Variants in KAT6A observed in about 807,000 individuals in gnomAD.
The protein encoded by KAT6A is histone acetyltransferase KAT6A.
KAT6A carries 9 observed loss-of-function variants against 198.4 expected under a neutral mutation model. The ratio of observed to expected loss-of-function variants is 0.05; its 90% CI spans 0.03 to 0.08. The LOEUF (loss-of-function observed/expected upper bound fraction) is 0.08. KAT6A is among the 10% of genes least tolerant of loss of function. The pLI is 1.00. For missense variants in KAT6A, 2,077 were observed against 2,509.9 expected (o/e 0.83, Z 3.69); for synonymous variants, 890 against 883.0 (o/e 1.01, Z -0.14).
chr8:42,027,092 A>C (rs1826853965), intron 2 of KAT6A, among the ~76,000 whole-genome samples: 1 of 152,208 alleles, frequency 6.6e-6, no homozygotes, highest in Non-Finnish European at 1.5e-5. Context: ...GAACATGAAC[A>C]TATTTGAATA....
Position 41,930,307 on chromosome 8 carries a change from T to A in KAT6A, c.*1898A>T. On this transcript the variant is annotated 3_prime_UTR_variant, in exon 17 of 17. Transcript: ENST00000265713. ...TGACACAGCTGAAGATGTAGGGCGATGGCAGCACAGTGCACTTTCTACATA... is the reference window on the plus strand; with the variant it reads ...TGACACAGCTGAAGATGTAGGGCGAAGGCAGCACAGTGCACTTTCTACATA... The A allele has an allele frequency of 6.0e-6, 1 of 167,394 alleles. No individual in the cohort carries two copies. Among genetic ancestry groups the A allele is most frequent in the Non-Finnish European group, 1.2e-5 (1 of 86,406 alleles). 10.4% of individuals were successfully genotyped at this position (167,394 alleles called of 1,614,324 possible).
intron 3 of KAT6A, among the ~76,000 whole-genome samples, chr8:41,982,282 T>C (rs1265711903): frequency 6.6e-6 from 1 of 152,134 alleles, no homozygotes; most frequent in Non-Finnish European, 1.5e-5. Flanking sequence ...AATACATATA[T>C]GTTCATATAT....
intron 2 of KAT6A, among the ~76,000 whole-genome samples, chr8:42,031,695 T>C (rs1342948123): frequency 1.4e-5 from 2 of 145,766 alleles, no homozygotes; most frequent in African/African-American, 5.1e-5. Flanking sequence ...AGTGGTGTGA[T>C]CTTGGCTCAC....
At chr8:41,977,605 T>A in intron 6 of KAT6A, 1 of 295,026 alleles carries the variant, frequency 3.4e-6, no homozygotes, top group South Asian at 9.2e-5. Context: ...GCTGTACGAC[T>A]TGGACAAATC....
chr8:42,029,592 T>A (rs191769174), intron 2 of KAT6A, among the ~76,000 whole-genome samples: 1 of 151,410 alleles, frequency 6.6e-6, no homozygotes, highest in East Asian at 2.0e-4. Flanking sequence ...TGAAACAGGT[T>A]CTCACTCTGT....
chr8:42,003,967 C>A (rs1048609256), intron 2 of KAT6A, among the ~76,000 whole-genome samples: 14 of 152,204 alleles, frequency 9.2e-5, no homozygotes, highest in African/African-American at 3.1e-4. Context: ...AAACAAATTT[C>A]TGTTGCTTAA....
chr8:41,997,028 G>A (rs975910387), intron 2 of KAT6A, among the ~76,000 whole-genome samples: 1 of 152,148 alleles, frequency 6.6e-6, no homozygotes, highest in Admixed American at 6.5e-5. Context: ...ATGGGAAGTG[G>A]AGAATGGGAA....
chr8:42,046,353 A>G (rs994541419), intron 2 of KAT6A, among the ~76,000 whole-genome samples: 3 of 151,850 alleles, frequency 2.0e-5, no homozygotes, highest in African/African-American at 7.3e-5. Context: ...CTGGCCAACA[A>G]GGTGAAACCC....
At chr8:42,051,405 C>G (rs1193813634) in intron 1 of KAT6A, among the ~76,000 whole-genome samples, 2 of 151,134 alleles carry the variant, frequency 1.3e-5, no homozygotes, top group Non-Finnish European at 3.0e-5. Flanking sequence ...GGAGCCGGAA[C>G]CCGAGCCCGA....
chr8:41,965,349 C>G (rs1823419964), intron 8 of KAT6A, among the ~76,000 whole-genome samples: 1 of 152,204 alleles, frequency 6.6e-6, no homozygotes, highest in Admixed American at 6.6e-5. Context: ...AAACCATCCT[C>G]AGCTTGCAGG....
intron 3 of KAT6A, among the ~76,000 whole-genome samples, chr8:41,983,170 A>G (rs1488695095): frequency 6.6e-6 from 1 of 152,180 alleles, no homozygotes; most frequent in Admixed American, 6.5e-5. Flanking sequence ...TTTCCCCTCA[A>G]CTGAAAAGAG....
chr8:41,940,257 A>G (rs1325518208), intron 15 of KAT6A, among the ~76,000 whole-genome samples: 23 of 152,226 alleles, frequency 1.5e-4, no homozygotes, highest in Admixed American at 1.4e-3. Context: ...CTAATTGGCT[A>G]TCATTATGAT....
At chr8:42,018,924 T>TC (rs1045757565) in intron 2 of KAT6A, among the ~76,000 whole-genome samples, 6 of 150,470 alleles carry the variant, frequency 4.0e-5, no homozygotes, top group African/African-American at 1.5e-4. Flanking sequence ...TGCCTCAAAT[T>TC]AAAAAAAAAC....
chr8:42,051,763 G>C (rs932834161), intron 1 of KAT6A, 138 bp downstream of exon 1: 1 of 146,068 alleles, frequency 6.8e-6, no homozygotes, highest in African/African-American at 2.5e-5. Context: ...CTGGCGCAGA[G>C]CAGCGGGAGG....
chr8:41,955,331 G>A lies in KAT6A; in HGVS notation c.1563C>T (p.Thr521=), dbSNP rs770609876. The part of the protein sequence containing the change: ...VIEFGKYEIH[T]WYSSPYPQEY... ...CTTGAGGATATGGGGAGGAGTACCA[G>A]GTGTGAATTTCATACTTCCCAAACT... Residue 521 remains threonine, a synonymous_variant, in exon 9 of 17, where the codon ACC becomes ACT. Transcript: ENST00000265713. 2 of 1,612,140 alleles carry A rather than the reference G, an allele frequency of 1.2e-6. No individual in the cohort carries two copies. The highest frequency in any genetic ancestry group is 8.5e-7 in the Non-Finnish European group (1 of 1,178,242).
At chr8:41,954,260 T>G (rs1390541091) in intron 9 of KAT6A, among the ~76,000 whole-genome samples, 1 of 152,260 alleles carries the variant, frequency 6.6e-6, no homozygotes, top group Non-Finnish European at 1.5e-5. Flanking sequence ...TTTTAACAAC[T>G]ATACTGGCCT....
chr8:42,016,895 G>A (rs536520213), intron 2 of KAT6A, among the ~76,000 whole-genome samples: 5 of 151,794 alleles, frequency 3.3e-5, no homozygotes, highest in Non-Finnish European at 7.4e-5. Context: ...CTGGATCTCT[G>A]AGGGATGCAA....
intron 2 of KAT6A, among the ~76,000 whole-genome samples, chr8:42,014,841 A>G (rs1298565093): frequency 6.6e-6 from 1 of 152,250 alleles, no homozygotes. Context: ...ACTTCGGTAC[A>G]TGCAGTTATT....
At chr8:41,961,396 T>G (rs1229413075) in intron 8 of KAT6A, among the ~76,000 whole-genome samples, 1 of 152,172 alleles carries the variant, frequency 6.6e-6, no homozygotes, top group Non-Finnish European at 1.5e-5. Context: ...CATCATCAGC[T>G]TTCCCTCTAC....
Sources: gnomAD v4.1 joint callset for allele counts (sites outside exome capture counted in the v4.1 genomes callset) on GRCh38, gnomAD v4.1.1 for gene constraint, MANE v1.5 for transcripts, NCBI Gene and HGNC (gene_info 2026-07-23, HGNC 2026-07-21) for gene names.